The following CNTN5 variants were observed in gnomAD, a reference collection of about 807,000 sequenced individuals.
The protein encoded by CNTN5 is contactin 5.
CNTN5 carries 77 observed loss-of-function variants against 129.1 expected under a neutral mutation model. The observed-to-expected ratio is 0.60, with a 90% CI of 0.50 to 0.72. CNTN5 has a LOEUF of 0.72. Among genes scored for constraint, CNTN5 ranks in the 30% least tolerant of loss-of-function variants. CNTN5 has a pLI of 0.00. For missense variants in CNTN5, 1,478 were observed against 1,328.8 expected (o/e 1.11, Z -1.75); for synonymous variants, 509 against 465.6 (o/e 1.09, Z -1.20).
chr11:99,938,026 A>G (rs1371865951), intron 7 of CNTN5, among the ~76,000 whole-genome samples: 1 of 152,232 alleles, frequency 6.6e-6, no homozygotes, highest in African/African-American at 2.4e-5. Flanking sequence ...TAGTGTTTGT[A>G]TCATGCGAAT....
intron 18 of CNTN5, among the ~76,000 whole-genome samples, chr11:100,277,505 A>G (rs1412229334): frequency 6.6e-6 from 1 of 152,102 alleles, no homozygotes; most frequent in African/African-American, 2.4e-5. Flanking sequence ...TCTTTTGAAT[A>G]TAAGCCATGT....
intron 6 of CNTN5, among the ~76,000 whole-genome samples, chr11:99,874,691 A>C (rs1948589348): frequency 1.3e-5 from 2 of 152,238 alleles, no homozygotes; most frequent in African/African-American, 4.8e-5. Context: ...AAGAAAAGAT[A>C]TATGCTTGAT....
chr11:99,958,267 G>A (rs1386283242), intron 8 of CNTN5, among the ~76,000 whole-genome samples: 1 of 152,144 alleles, frequency 6.6e-6, no homozygotes, highest in Non-Finnish European at 1.5e-5. Context: ...AACATTAACT[G>A]GGATATTAAG....
chr11:100,071,711 G>T lies in CNTN5; in HGVS notation c.1306G>T (p.Val436Phe). The T allele has an allele frequency of 6.3e-7, 1 of 1,581,516 alleles. No homozygotes were observed. Residue 436 changes from valine (V) to phenylalanine (F), a missense_variant, in exon 12 of 25, where the codon GTT becomes TTT. Transcript: ENST00000524871. ...TTTTTTAATTCCATTACAGAGTAGGGTTGAGATGGTTAATGGAGTATTGAT... is the reference window on the plus strand; with the variant it reads ...TTTTTTAATTCCATTACAGAGTAGGTTTGAGATGGTTAATGGAGTATTGAT... ...NGVPLSPQSR[V>F]EMVNGVLMIH...
chr11:99,026,907 C>A (rs1863133125), intron 1 of CNTN5, among the ~76,000 whole-genome samples: 1 of 151,406 alleles, frequency 6.6e-6, no homozygotes, highest in African/African-American at 2.4e-5. Context: ...TATGTAATTT[C>A]CTTGTTGCCA....
At chr11:100,236,326 G>A (rs548670965) in intron 16 of CNTN5, among the ~76,000 whole-genome samples, 3 of 152,196 alleles carry the variant, frequency 2.0e-5, no homozygotes, top group South Asian at 2.1e-4. Flanking sequence ...CCATCTGACC[G>A]AGGAAAGCCG....
chr11:99,631,954 T>A (rs978532495), intron 3 of CNTN5, among the ~76,000 whole-genome samples: 3 of 152,140 alleles, frequency 2.0e-5, no homozygotes, highest in Non-Finnish European at 2.9e-5. Flanking sequence ...CTAGTTTTAT[T>A]GTCAGTTATT....
intron 3 of CNTN5, among the ~76,000 whole-genome samples, chr11:99,562,741 A>C (rs762570683): frequency 6.6e-6 from 1 of 152,166 alleles, no homozygotes; most frequent in Non-Finnish European, 1.5e-5. Context: ...TTGGTAGAGG[A>C]AATGGTTTCT....
chr11:99,991,987 T>C (rs1370006956), intron 8 of CNTN5, among the ~76,000 whole-genome samples: 1 of 152,118 alleles, frequency 6.6e-6, no homozygotes, highest in Non-Finnish European at 1.5e-5. Context: ...CACATCGTCA[T>C]TGAATATAGA....
At chr11:99,638,486 C>G (rs184619431) in intron 3 of CNTN5, among the ~76,000 whole-genome samples, 21 of 152,224 alleles carry the variant, frequency 1.4e-4, no homozygotes, top group Middle Eastern at 3.4e-3. Context: ...CCCAAAAGTC[C>G]AAAGTCCAAA....
At chr11:99,906,542 G>T (rs1033206166) in intron 6 of CNTN5, among the ~76,000 whole-genome samples, 1 of 152,156 alleles carries the variant, frequency 6.6e-6, no homozygotes, top group Non-Finnish European at 1.5e-5. Flanking sequence ...GCTGGATTTG[G>T]TTTGCCAATG....
chr11:99,335,678 G>T (rs2136039307), intron 2 of CNTN5, among the ~76,000 whole-genome samples: 2 of 152,212 alleles, frequency 1.3e-5, no homozygotes, highest in Middle Eastern at 6.8e-3. Context: ...TTCTCACAAT[G>T]ATAGATGGAA....
intron 4 of CNTN5, 84 bp from the exon 5 acceptor site, chr11:99,844,768 A>G: frequency 7.5e-7 from 1 of 1,338,628 alleles, no homozygotes; most frequent in Non-Finnish European, 1.0e-6. Flanking sequence ...AGAATTTTGA[A>G]TATAAGTAAG....
At chr11:99,662,605 T>G (rs956354572) in intron 3 of CNTN5, among the ~76,000 whole-genome samples, 3 of 152,192 alleles carry the variant, frequency 2.0e-5, no homozygotes, top group African/African-American at 4.8e-5. Flanking sequence ...AAGAATCTGA[T>G]GTAATAATGA....
chr11:100,150,615 A>T (rs1947023213), intron 13 of CNTN5, among the ~76,000 whole-genome samples: 1 of 151,754 alleles, frequency 6.6e-6, no homozygotes. Context: ...TGGATTACAA[A>T]TTTTTACGGT....
rs1209818461 is a variant in CNTN5 at position 100,255,840 on chromosome 11, G to A, written c.2086G>A (p.Asp696Asn). 1.2e-6 allele frequency: 2 copies of A among 1,613,750 alleles called. No homozygotes were observed. Among genetic ancestry groups the A allele is most frequent in the Admixed American group, 1.7e-5 (1 of 59,994 alleles). ...CACACTGTCCTGGAGCCCAGCAGCTGACAACCACAGCCCAATCTCCTCCTA... is the reference window on the plus strand; with the variant it reads ...CACACTGTCCTGGAGCCCAGCAGCTAACAACCACAGCCCAATCTCCTCCTA... ...TATLSWSPAA[D>N]NHSPISSYNL... Residue 696 changes from aspartate to asparagine, a missense_variant, in exon 17 of 25, where the codon GAC becomes AAC. By Grantham distance (23) the Asp-to-Asn change is conservative. Transcript: ENST00000524871.
chr11:99,438,593 C>T (rs894865290), intron 2 of CNTN5, among the ~76,000 whole-genome samples: 2 of 151,918 alleles, frequency 1.3e-5, no homozygotes, highest in African/African-American at 4.8e-5. Context: ...TAATTCATAT[C>T]ATTTATTTAA....
intron 3 of CNTN5, among the ~76,000 whole-genome samples, chr11:99,738,570 C>A (rs959027409): frequency 6.6e-6 from 1 of 150,784 alleles, no homozygotes; most frequent in African/African-American, 2.4e-5. Context: ...GAAAAAATAA[C>A]CCAGAAAAGG....
At chr11:99,764,703 CATTT>C (rs1217739849) in intron 3 of CNTN5, among the ~76,000 whole-genome samples, 4 of 152,058 alleles carry the variant, frequency 2.6e-5, no homozygotes, top group Non-Finnish European at 5.9e-5. Context: ...TTTTAAAAAC[CATTT>C]ATTTAATGCA....
Sources: allele counts gnomAD v4.1 joint callset (sites outside exome capture counted in the v4.1 genomes callset), GRCh38; gene constraint gnomAD v4.1.1; transcripts MANE v1.5; gene names NCBI Gene and HGNC (gene_info 2026-07-23, HGNC 2026-07-21).